The following TRPM3 variants were observed in gnomAD, a reference collection of about 807,000 sequenced individuals.
TRPM3 encodes transient receptor potential cation channel subfamily M member 3.
TRPM3 carries 77 observed loss-of-function variants against 181.2 expected under a neutral mutation model. The observed-to-expected ratio is 0.42, with a 90% confidence interval of 0.35 to 0.51. TRPM3 has a LOEUF of 0.51. Among genes scored for constraint, TRPM3 ranks in the 20% least tolerant of loss-of-function variants. The probability of loss-of-function intolerance (pLI) is 0.01; values close to 1 mark genes in which losing one functional copy is unlikely to be tolerated. For synonymous variants in TRPM3, 745 were observed against 796.4 expected (o/e 0.94, Z 1.09); for missense variants, 1,759 against 2,196.7 (o/e 0.80, Z 3.98).
chr9:71,331,891 G>C (rs978126192), intron 1 of TRPM3, among the ~76,000 whole-genome samples: 6 of 67,828 alleles, frequency 8.8e-5, no homozygotes, highest in Non-Finnish European at 1.5e-4. Context: ...GAGGAAGAAG[G>C]GGAGGAAGAA....
At chr9:70,812,809 T>C (rs544567015) in intron 6 of TRPM3, among the ~76,000 whole-genome samples, 32 of 152,300 alleles carry the variant, frequency 2.1e-4, no homozygotes, top group African/African-American at 7.0e-4. Context: ...AATTAAGTAA[T>C]ACTTTAGTGA....
chr9:70,786,233 G>A (rs1007980366), intron 6 of TRPM3, among the ~76,000 whole-genome samples: 1 of 150,236 alleles, frequency 6.7e-6, no homozygotes, highest in Non-Finnish European at 1.5e-5. Flanking sequence ...GGAAGGCCAA[G>A]GTGGGCGGAT....
In TRPM3 at chr9:70,536,843, A is replaced by G. The variant is rs1326354193; in HGVS notation, c.4270T>C (p.Cys1424Arg). Residue 1424 changes from cysteine (C) to arginine (R), a missense_variant, in exon 26 of 26, where the codon TGT becomes CGT. This residue lies in a region of TRPM3 where 612 missense variants were observed against 590.0 expected (regional missense o/e 1.04). Transcript: ENST00000677713. ...GAATTGTCCAGAGGGTCTATATCAC[A>G]GTGGAGCTCATCCATAGCAGAGACA... ...IYVSAMDELH[C>R]DIDPLDNSVN... The G allele has an allele frequency of 6.2e-7, 1 of 1,614,054 alleles. No individual in the cohort carries two copies. The highest frequency in any genetic ancestry group is 1.3e-5 in the African/African-American group (1 of 74,908).
chr9:71,228,672 A>G (rs939291215), intron 1 of TRPM3, among the ~76,000 whole-genome samples: 15 of 152,298 alleles, frequency 9.8e-5, no homozygotes, highest in South Asian at 2.1e-4. Context: ...CTATATGTCA[A>G]TGGTGAACAA....
chr9:71,235,127 G>A (rs1041726805), intron 1 of TRPM3, among the ~76,000 whole-genome samples: 1 of 152,186 alleles, frequency 6.6e-6, no homozygotes, highest in Non-Finnish European at 1.5e-5. Flanking sequence ...TAATGTGCCA[G>A]GCTTGGCGCC....
chr9:71,033,784 T>C (rs949456863), intron 1 of TRPM3, among the ~76,000 whole-genome samples: 1 of 152,172 alleles, frequency 6.6e-6, no homozygotes, highest in Non-Finnish European at 1.5e-5. Flanking sequence ...TATTTGATAA[T>C]AATTTGCGTG....
At chr9:70,880,920 C>T (rs2095979444) in intron 1 of TRPM3, among the ~76,000 whole-genome samples, 1 of 152,104 alleles carries the variant, frequency 6.6e-6, no homozygotes, top group African/African-American at 2.4e-5. Context: ...CTTGTGTTCC[C>T]AACTGTGACT....
intron 1 of TRPM3, among the ~76,000 whole-genome samples, chr9:71,332,708 A>G (rs910665923): frequency 6.6e-6 from 1 of 151,790 alleles, no homozygotes; most frequent in Non-Finnish European, 1.5e-5. Flanking sequence ...GCATTCATAT[A>G]CAATTTTATA....
rs73467853 is a variant in TRPM3 at position 70,848,773 on chromosome 9, C to T, written c.463-2182G>A. ...CGGGCGGATCACGAGGTCAGGAGAT[C>T]GAGACCATCCTGGCTAACACGGTGA... On this transcript the variant is annotated intron_variant, in intron 3 of 25. Coordinates refer to ENST00000677713, the MANE Select transcript of TRPM3 (RefSeq NM_001366145.2). Among the ~76,000 whole-genome samples the T allele has an allele frequency of 2.3e-4, 13 of 55,650 alleles. 4 individuals are homozygous for T. Among genetic ancestry groups the T allele is most frequent in the Admixed American group, 1.4e-3 (8 of 5,628 alleles). The allele number at this position is 55,650 out of a possible 152,430, so 36.5% of individuals were successfully genotyped here.
intron 1 of TRPM3, among the ~76,000 whole-genome samples, chr9:71,428,723 A>T (rs1479304624): frequency 2.6e-5 from 4 of 152,188 alleles, no homozygotes; most frequent in Non-Finnish European, 5.9e-5. Context: ...GCCTAATGAA[A>T]AACATATAAC....
intron 5 of TRPM3, among the ~76,000 whole-genome samples, chr9:70,836,533 C>T (rs576013053): frequency 3.9e-5 from 6 of 152,214 alleles, no homozygotes; most frequent in African/African-American, 7.2e-5. Flanking sequence ...ATGGGCACTT[C>T]CAGGTCTCTG....
intron 7 of TRPM3, 145 bp downstream of exon 7, chr9:70,783,960 C>T (rs1345845368): frequency 6.9e-6 from 10 of 1,439,278 alleles, no homozygotes; most frequent in Non-Finnish European, 9.2e-6. Flanking sequence ...CCACAGCCCT[C>T]CCATGACAGA....
chr9:71,333,363 G>A (rs1043219215), intron 1 of TRPM3, among the ~76,000 whole-genome samples: 4 of 151,974 alleles, frequency 2.6e-5, no homozygotes, highest in African/African-American at 9.7e-5. Flanking sequence ...CTCCTATTGA[G>A]TGTGGGTTGA....
At chr9:71,405,029 T>G (rs911021612) in intron 1 of TRPM3, among the ~76,000 whole-genome samples, 3 of 152,210 alleles carry the variant, frequency 2.0e-5, no homozygotes, top group Non-Finnish European at 4.4e-5. Flanking sequence ...TATTTCTACA[T>G]TGTGCTATAA....
intron 24 of TRPM3, 61 bp from the exon 25 acceptor site, chr9:70,549,735 T>A: frequency 6.5e-7 from 1 of 1,526,788 alleles, no homozygotes; most frequent in Non-Finnish European, 8.8e-7. Flanking sequence ...GGCATCTGAT[T>A]TGTGGGCCTA....
intron 6 of TRPM3, among the ~76,000 whole-genome samples, chr9:70,799,347 A>G (rs977760410): frequency 2.6e-5 from 4 of 152,226 alleles, no homozygotes; most frequent in African/African-American, 9.6e-5. Flanking sequence ...TGGATCTAGT[A>G]ATGGTATTTC....
At chr9:70,963,601 G>A (rs1221555534) in intron 1 of TRPM3, among the ~76,000 whole-genome samples, 1 of 152,052 alleles carries the variant, frequency 6.6e-6, no homozygotes, top group Non-Finnish European at 1.5e-5. Flanking sequence ...GATATTTTGT[G>A]CGCTTTTTGC....
chr9:71,296,820 A>G (rs1255031778), intron 1 of TRPM3, among the ~76,000 whole-genome samples: 1 of 152,132 alleles, frequency 6.6e-6, no homozygotes, highest in Admixed American at 6.6e-5. Context: ...TTTTAGATAC[A>G]TTTTGAAAGT....
Position 71,415,931 on chromosome 9 carries a change from T to G in TRPM3, c.183+30722A>C, listed in dbSNP as rs77145402. On this transcript the variant is annotated intron_variant, in intron 1 of 24. Transcript: ENST00000357533. ...AAAACTGTATTACAAGAATGGATGA[T>G]AGAAAAATATTGAATTTCTACTATT... Among the ~76,000 whole-genome samples the G allele has an allele frequency of 9.0e-4, 137 of 151,956 alleles. 1 individual carries two copies. The highest frequency in any genetic ancestry group is 3.2e-3 in the African/African-American group (134 of 41,514).
Sources: allele counts gnomAD v4.1 joint callset (sites outside exome capture counted in the v4.1 genomes callset), GRCh38; gene constraint gnomAD v4.1.1; regional missense constraint gnomAD v4.1.1; transcripts MANE v1.5; gene names NCBI Gene and HGNC (gene_info 2026-07-23, HGNC 2026-07-21).